PRDM2: variants seen among roughly 807,000 people sequenced by gnomAD.
PRDM2 encodes PR/SET domain 2.
In PRDM2, 30 loss-of-function variants were observed where a neutral mutation model predicts 130.0. That is an observed-to-expected ratio of 0.23 (90% CI 0.17 to 0.31). The LOEUF (loss-of-function observed/expected upper bound fraction) is 0.31. Ranked by LOEUF, PRDM2 falls within the 10% of genes least tolerant of loss-of-function variation. The pLI is 1.00. For synonymous variants in PRDM2, 871 were observed against 782.4 expected (o/e 1.11, Z -1.89); for missense variants, 2,011 against 2,108.4 (o/e 0.95, Z 0.90).
intron 8 of PRDM2, among the ~76,000 whole-genome samples, chr1:13,784,147 C>T (rs563979536): frequency 3.3e-5 from 5 of 152,328 alleles, no homozygotes; most frequent in African/African-American, 7.2e-5. Context: ...GTCTGACCAA[C>T]GCTCGGTCTC....
At chr1:13,764,439 A>G (rs1195668579) in intron 6 of PRDM2, among the ~76,000 whole-genome samples, 4 of 152,234 alleles carry the variant, frequency 2.6e-5, no homozygotes, top group African/African-American at 4.8e-5. Flanking sequence ...CATTTTGTTC[A>G]TGCCACAACA....
At chr1:13,734,678 C>T (rs1353973061) in intron 4 of PRDM2, among the ~76,000 whole-genome samples, 2 of 152,104 alleles carry the variant, frequency 1.3e-5, no homozygotes, top group East Asian at 3.9e-4. Context: ...TTCTTATATA[C>T]TGTACTACTA....
At chr1:13,794,246 C>A (rs943321144) in intron 8 of PRDM2, among the ~76,000 whole-genome samples, 1 of 152,178 alleles carries the variant, frequency 6.6e-6, no homozygotes, top group Non-Finnish European at 1.5e-5. Flanking sequence ...AGAAGCCTTT[C>A]CTGACCATCG....
intron 2 of PRDM2, among the ~76,000 whole-genome samples, chr1:13,718,449 T>G (rs558874019): frequency 7.7e-4 from 118 of 152,336 alleles, no homozygotes; most frequent in African/African-American, 2.6e-3. Context: ...CTGCCAGTAC[T>G]TTCAGCACTG....
intron 1 of PRDM2, among the ~76,000 whole-genome samples, chr1:13,707,621 A>T (rs1009890087): frequency 1.3e-5 from 2 of 152,236 alleles, no homozygotes; most frequent in Non-Finnish European, 2.9e-5. Context: ...GGAGGTAATA[A>T]TGGCCTTGAA....
intron 6 of PRDM2, among the ~76,000 whole-genome samples, chr1:13,764,106 G>A (rs1444258161): frequency 6.6e-6 from 1 of 152,104 alleles, no homozygotes; most frequent in Non-Finnish European, 1.5e-5. Context: ...GCTTTAAAGG[G>A]GGAAACATGA....
At chr1:13,772,114 T>C (rs936029472) in intron 6 of PRDM2, 8 of 152,196 alleles carry the variant, frequency 5.3e-5, no homozygotes, top group Non-Finnish European at 1.0e-4. Flanking sequence ...GAGGTTTGTC[T>C]GGGGGAGAGC....
At chr1:13,710,251 C>T (rs567337455) in intron 1 of PRDM2, among the ~76,000 whole-genome samples, 1 of 152,176 alleles carries the variant, frequency 6.6e-6, no homozygotes, top group Non-Finnish European at 1.5e-5. Flanking sequence ...GCTGGTATGA[C>T]CCAGGGAAAG....
intron 4 of PRDM2, among the ~76,000 whole-genome samples, chr1:13,740,078 C>T (rs1643392342): frequency 6.6e-6 from 1 of 152,174 alleles, no homozygotes; most frequent in Non-Finnish European, 1.5e-5. Flanking sequence ...GTCAGTATGA[C>T]TTAGAAGATG....
In PRDM2 at chr1:13,702,309, A is replaced by G. The variant is rs111818912; in HGVS notation, c.-66+2009A>G. 2.8e-3 allele frequency among the ~76,000 whole-genome samples: 423 copies of G among 152,306 alleles called. 1 individual carries two copies. The highest frequency in any genetic ancestry group is 5.1e-3 in the Non-Finnish European group (347 of 68,030). ...CTAGTCAATATTATGTTTAATGGCT[A>G]TTTAATATGTGGATGGGCCGTAAGT... On this transcript the variant is annotated intron_variant, in intron 1 of 9. Coordinates refer to ENST00000311066, the MANE Select transcript of PRDM2 (RefSeq NM_001393986.1).
chr1:13,769,150 C>T, intron 6 of PRDM2: 3 of 985,738 alleles, frequency 3.0e-6, no homozygotes, highest in Non-Finnish European at 3.6e-6. Flanking sequence ...CAGTAGCGCC[C>T]TGTAGGACCC....
At chr1:13,799,130 C>G (rs540390126) in intron 8 of PRDM2, among the ~76,000 whole-genome samples, 175 of 152,254 alleles carry the variant, frequency 1.1e-3, no homozygotes, top group African/African-American at 3.9e-3. Flanking sequence ...TTCACCATTG[C>G]CTAAGGAAGA....
intron 7 of PRDM2, among the ~76,000 whole-genome samples, chr1:13,773,978 GAC>G (rs1644415196): frequency 6.6e-6 from 1 of 152,202 alleles, no homozygotes; most frequent in South Asian, 2.1e-4. Context: ...CAATGTCAGA[GAC>G]TTTGATTTTT....
intron 6 of PRDM2, among the ~76,000 whole-genome samples, chr1:13,761,528 T>G (rs1644098111): frequency 6.6e-6 from 1 of 152,170 alleles, no homozygotes; most frequent in Non-Finnish European, 1.5e-5. Context: ...CACAGGTACA[T>G]TCCTTCTGTT....
intron 6 of PRDM2, chr1:13,772,298 C>T (rs1353654293): frequency 2.0e-5 from 3 of 152,212 alleles, no homozygotes. Flanking sequence ...AGTATTATTA[C>T]TCCTATAGAT....
intron 7 of PRDM2, among the ~76,000 whole-genome samples, chr1:13,775,379 A>T (rs1644453123): frequency 6.6e-6 from 1 of 152,200 alleles, no homozygotes; most frequent in Non-Finnish European, 1.5e-5. Context: ...CTGTTGTCTC[A>T]TTTCAACTCT....
chr1:13,764,215 C>T (rs1243753786), intron 6 of PRDM2, among the ~76,000 whole-genome samples: 3 of 152,258 alleles, frequency 2.0e-5, no homozygotes, highest in Non-Finnish European at 2.9e-5. Context: ...TCTACAACAC[C>T]TCCCACTTTG....
chr1:13,730,893 T>C, intron 2 of PRDM2, 107 bp from the exon 3 acceptor site: 2 of 760,546 alleles, frequency 2.6e-6, no homozygotes, highest in Non-Finnish European at 4.3e-6. Context: ...CAGCTTCAGG[T>C]TTCGGTTACA....
At chr1:13,805,862 G>A (rs1461801289) in intron 8 of PRDM2, among the ~76,000 whole-genome samples, 1 of 152,116 alleles carries the variant, frequency 6.6e-6, no homozygotes, top group Admixed American at 6.5e-5. Context: ...AGGGAGCTTG[G>A]AAGAGCACCG....
Sources: allele counts gnomAD v4.1 joint callset (sites outside exome capture counted in the v4.1 genomes callset), GRCh38; gene constraint gnomAD v4.1.1; transcripts MANE v1.5; gene names NCBI Gene and HGNC (gene_info 2026-07-23, HGNC 2026-07-21).